The following GALNT13 variants were observed in gnomAD, a reference collection of about 807,000 sequenced individuals.
GALNT13 encodes polypeptide N-acetylgalactosaminyltransferase 13.
Under a neutral mutation model 64.2 loss-of-function variants are expected in GALNT13, and 28 were observed. The ratio of observed to expected loss-of-function variants is 0.44; its 90% CI spans 0.32 to 0.60. The LOEUF (loss-of-function observed/expected upper bound fraction) is 0.60, where lower values mean the gene tolerates loss of function less well. Among genes scored for constraint, GALNT13 ranks in the 20% least tolerant of loss-of-function variants. The probability of loss-of-function intolerance (pLI) is 0.05; values close to 1 mark genes in which losing one functional copy is unlikely to be tolerated. For synonymous variants in GALNT13, 214 were observed against 224.6 expected (o/e 0.95, Z 0.42); for missense variants, 577 against 669.8 (o/e 0.86, Z 1.53).
At chr2:154,173,533 A>G (rs1685482326) in intron 4 of GALNT13, among the ~76,000 whole-genome samples, 1 of 151,994 alleles carries the variant, frequency 6.6e-6, no homozygotes, top group Non-Finnish European at 1.5e-5. Context: ...TCGAGTAACC[A>G]AAGAAAAATA....
rs865785097 is a variant in GALNT13, at chr2:154,298,637, T to A, written c.976-2772T>A. Among the ~76,000 whole-genome samples, 11 of 53,414 alleles carry A rather than the reference T, an allele frequency of 2.1e-4. 4 individuals are homozygous for A. Among genetic ancestry groups the A allele is most frequent in the African/African-American group, 8.9e-4 (11 of 12,306 alleles). The allele number at this position is 53,414 out of a possible 152,430, so 35.0% of individuals were successfully genotyped here. A position where few individuals can be genotyped will look rare whatever the true frequency, so the allele number is the denominator to read the frequency against. On this transcript the variant is annotated intron_variant, in intron 8 of 12. Coordinates refer to ENST00000392825, the MANE Select transcript of GALNT13 (RefSeq NM_052917.4). ...TTTATATATACATTGTATATATAAT[T>A]TATATATACATTGTATATACAATTT...
intron 9 of GALNT13, among the ~76,000 whole-genome samples, chr2:154,366,628 C>A (rs1193336215): frequency 6.6e-6 from 1 of 152,152 alleles, no homozygotes; most frequent in Non-Finnish European, 1.5e-5. Context: ...GACTTCTGAG[C>A]AGTGTTAATC....
At chr2:153,766,471 TCTC>T in the GALNT13 span, among the ~76,000 whole-genome samples, 2 of 152,134 alleles carry the variant, frequency 1.3e-5, no homozygotes, top group South Asian at 2.1e-4. Context: ...TTATCCATCT[TCTC>T]CTTCTTAAAA....
At chr2:153,115,003 A>G in the GALNT13 span, among the ~76,000 whole-genome samples, 2 of 151,888 alleles carry the variant, frequency 1.3e-5, no homozygotes, top group South Asian at 4.1e-4. Context: ...GATAGGGGCA[A>G]TAATACCTAC....
At chr2:153,998,622 T>A (rs1695683931) in intron 3 of GALNT13, among the ~76,000 whole-genome samples, 1 of 152,218 alleles carries the variant, frequency 6.6e-6, no homozygotes, top group South Asian at 2.1e-4. Context: ...ATAGTTTCTT[T>A]TGCTGTGTAG....
At chr2:153,092,409 G>T in the GALNT13 span, among the ~76,000 whole-genome samples, 1 of 152,034 alleles carries the variant, frequency 6.6e-6, no homozygotes, top group Non-Finnish European at 1.5e-5. Flanking sequence ...GGATTACATT[G>T]AGTCTGTAGA....
chr2:153,934,238 C>A (rs1690740085), intron 2 of GALNT13, among the ~76,000 whole-genome samples: 1 of 152,100 alleles, frequency 6.6e-6, no homozygotes, highest in East Asian at 1.9e-4. Flanking sequence ...TAAAGTAATA[C>A]ATGATTGTAG....
chr2:154,415,173 A>G (rs1699957499), intron 11 of GALNT13, among the ~76,000 whole-genome samples: 1 of 151,840 alleles, frequency 6.6e-6, no homozygotes, highest in Non-Finnish European at 1.5e-5. Flanking sequence ...ATATATTCAT[A>G]ATTAGGTAAA....
chr2:153,476,835 A>C, the GALNT13 span, among the ~76,000 whole-genome samples: 1 of 152,316 alleles, frequency 6.6e-6, no homozygotes, highest in Non-Finnish European at 1.5e-5. Flanking sequence ...TGTGTACCTT[A>C]GCAGCTACTT....
intron 4 of GALNT13, among the ~76,000 whole-genome samples, chr2:154,218,434 A>G (rs1023703489): frequency 5.9e-5 from 9 of 152,090 alleles, no homozygotes; most frequent in East Asian, 1.9e-4. Context: ...TTCACCTCCA[A>G]TCCTCCTCCA....
the GALNT13 span, among the ~76,000 whole-genome samples, chr2:153,372,654 A>G: frequency 6.6e-6 from 1 of 151,894 alleles, no homozygotes; most frequent in Non-Finnish European, 1.5e-5. Flanking sequence ...CAAAAAAAAA[A>G]AAAGAAAGAA....
chr2:153,122,072 A>G, the GALNT13 span, among the ~76,000 whole-genome samples: 1 of 152,148 alleles, frequency 6.6e-6, no homozygotes, highest in Non-Finnish European at 1.5e-5. Context: ...GTAGATGAAT[A>G]ATTTCTCTAT....
At chr2:154,162,124 A>C (rs934721307) in intron 4 of GALNT13, among the ~76,000 whole-genome samples, 3 of 152,176 alleles carry the variant, frequency 2.0e-5, no homozygotes, top group Admixed American at 2.0e-4. Context: ...GTGATTTTAC[A>C]TTCTAACATA....
chr2:154,179,393 T>A (rs1441026880), intron 4 of GALNT13, among the ~76,000 whole-genome samples: 1 of 152,198 alleles, frequency 6.6e-6, no homozygotes, highest in Non-Finnish European at 1.5e-5. Flanking sequence ...TTTGCTGATT[T>A]CATTACAAAT....
At chr2:154,063,710 A>T (rs1700311378) in intron 3 of GALNT13, among the ~76,000 whole-genome samples, 1 of 152,244 alleles carries the variant, frequency 6.6e-6, no homozygotes. Flanking sequence ...AAATAATCAT[A>T]CAATTTTACT....
the GALNT13 span, among the ~76,000 whole-genome samples, chr2:153,358,634 G>T: frequency 6.6e-6 from 1 of 151,982 alleles, no homozygotes; most frequent in Non-Finnish European, 1.5e-5. Context: ...CTCTAATTAG[G>T]CCAGAGCAAT....
At chr2:153,644,172 T>C in the GALNT13 span, among the ~76,000 whole-genome samples, 1 of 152,036 alleles carries the variant, frequency 6.6e-6, no homozygotes, top group African/African-American at 2.4e-5. Flanking sequence ...TACAAATACA[T>C]TATTTAAATA....
At chr2:153,805,159 G>T in the GALNT13 span, among the ~76,000 whole-genome samples, 1 of 151,698 alleles carries the variant, frequency 6.6e-6, no homozygotes, top group East Asian at 1.9e-4. Context: ...AAGGTTTGAG[G>T]AGGAAATGAG....
the GALNT13 span, chr2:153,478,398 C>T: frequency 1.2e-6 from 2 of 1,614,070 alleles, no homozygotes; most frequent in African/African-American, 2.7e-5. Flanking sequence ...CGATCTGCAC[C>T]ACGCGCATTA....
Sources: gnomAD v4.1 joint callset for allele counts (sites outside exome capture counted in the v4.1 genomes callset) on GRCh38, gnomAD v4.1.1 for gene constraint, MANE v1.5 for transcripts, NCBI Gene and HGNC (gene_info 2026-07-23, HGNC 2026-07-21) for gene names.